CHST11: variants seen among roughly 807,000 people sequenced by gnomAD.
The protein encoded by CHST11 is carbohydrate sulfotransferase 11.
In CHST11, 9 loss-of-function variants were observed where a neutral mutation model predicts 30.4. The observed-to-expected ratio is 0.30, with a 90% confidence interval of 0.18 to 0.52. The LOEUF (loss-of-function observed/expected upper bound fraction) is 0.52, where lower values mean the gene tolerates loss of function less well. CHST11 is among the 20% of genes least tolerant of loss of function. The pLI is 0.97. For missense variants in CHST11, 348 were observed against 460.6 expected (o/e 0.76, Z 2.24); for synonymous variants, 152 against 187.8 (o/e 0.81, Z 1.56).
At chr12:104,579,615 A>G (rs1286451489) in intron 1 of CHST11, among the ~76,000 whole-genome samples, 1 of 152,204 alleles carries the variant, frequency 6.6e-6, no homozygotes, top group Non-Finnish European at 1.5e-5. Flanking sequence ...AGAATGATAC[A>G]TGGTAACGTG....
intron 2 of CHST11, among the ~76,000 whole-genome samples, chr12:104,650,394 G>T (rs1287969886): frequency 6.6e-6 from 1 of 152,130 alleles, no homozygotes. Context: ...TTTTCTACCA[G>T]GTAGAGAATT....
chr12:104,710,612 G>T (rs888311508), intron 2 of CHST11, among the ~76,000 whole-genome samples: 1 of 152,178 alleles, frequency 6.6e-6, no homozygotes, highest in Non-Finnish European at 1.5e-5. Flanking sequence ...GGAAGGTCTG[G>T]GAGGGCCAGC....
Position 104,530,839 on chromosome 12 carries a change from C to A in CHST11, c.119-71067C>A, listed in dbSNP as rs530837624. Among the ~76,000 whole-genome samples, 16 of 152,282 alleles carry A rather than the reference C, an allele frequency of 1.1e-4. No individual in the cohort carries two copies. The South Asian group carries it at 3.3e-3, about 32-fold the overall frequency. ...GGTGGAAGCCAAGTTTCTTTTGGTT[C>A]AGAAGCACTTTGAGTATATAAATGG... On this transcript the variant is annotated intron_variant, in intron 1 of 2. Coordinates refer to ENST00000303694, the MANE Select transcript of CHST11 (RefSeq NM_018413.6).
At chr12:104,612,312 T>C (rs116804821) in intron 2 of CHST11, among the ~76,000 whole-genome samples, 135 of 152,296 alleles carry the variant, frequency 8.9e-4, no homozygotes, top group African/African-American at 3.2e-3. Flanking sequence ...AAGAAGGGCC[T>C]GTTCCAGGCC....
intron 1 of CHST11, among the ~76,000 whole-genome samples, chr12:104,519,324 G>A (rs2038055400): frequency 6.6e-6 from 1 of 152,090 alleles, no homozygotes; most frequent in Non-Finnish European, 1.5e-5. Flanking sequence ...TAAATTAATA[G>A]TTTGCTAGTT....
intron 2 of CHST11, among the ~76,000 whole-genome samples, chr12:104,621,123 A>T (rs1046703964): frequency 3.9e-5 from 6 of 152,242 alleles, no homozygotes; most frequent in Non-Finnish European, 8.8e-5. Flanking sequence ...TTTCAAAAGC[A>T]GCGTTGTTGC....
intron 2 of CHST11, among the ~76,000 whole-genome samples, chr12:104,647,502 A>G (rs1158850877): frequency 1.3e-5 from 2 of 152,220 alleles, no homozygotes; most frequent in South Asian, 2.1e-4. Context: ...ACATTTAACA[A>G]TGGCCTTTTT....
rs919975769 is a variant in CHST11, at chr12:104,761,099, G to C, written c.*3296G>C. ...TGGAAAGCTCTAGATGATTCCCGCA[G>C]CTCCTCCAGACCCCGCCTCCCTGCC... On this transcript the variant is annotated 3_prime_UTR_variant, in exon 3 of 3. Transcript: ENST00000303694. The C allele has an allele frequency of 2.0e-5, 3 of 152,190 alleles. No individual in the cohort carries two copies. The highest frequency in any genetic ancestry group is 7.2e-5 in the African/African-American group (3 of 41,410). The allele number at this position is 152,190 out of a possible 1,614,324, so 9.4% of individuals were successfully genotyped here. A position where few individuals can be genotyped will look rare whatever the true frequency, so the allele number is the denominator to read the frequency against.
chr12:104,505,881 G>A (rs778859016), intron 1 of CHST11, among the ~76,000 whole-genome samples: 7 of 152,178 alleles, frequency 4.6e-5, no homozygotes, highest in Non-Finnish European at 1.0e-4. Context: ...TGAGGTGGGA[G>A]GTGATTGAAA....
chr12:104,538,911 G>A (rs1420867584), intron 1 of CHST11, among the ~76,000 whole-genome samples: 1 of 152,082 alleles, frequency 6.6e-6, no homozygotes, highest in Non-Finnish European at 1.5e-5. Flanking sequence ...TTTCAGACAC[G>A]GTGTCTGCAT....
At chr12:104,746,050 GT>G (rs1304270475) in intron 2 of CHST11, among the ~76,000 whole-genome samples, 2 of 152,138 alleles carry the variant, frequency 1.3e-5, no homozygotes, top group African/African-American at 2.4e-5. Context: ...GCTTTTGCCC[GT>G]TTAGTATGAT....
At chr12:104,595,600 G>A (rs985286010) in intron 1 of CHST11, among the ~76,000 whole-genome samples, 6 of 152,198 alleles carry the variant, frequency 3.9e-5, no homozygotes. Flanking sequence ...GAGGCCCAGG[G>A]AGACCTTGTT....
At chr12:104,626,447 A>T (rs895598384) in intron 2 of CHST11, among the ~76,000 whole-genome samples, 1 of 151,974 alleles carries the variant, frequency 6.6e-6, no homozygotes, top group Admixed American at 6.6e-5. Flanking sequence ...CATTCACCGA[A>T]CCCCTGAGAA....
chr12:104,508,960 A>G (rs1370113052), intron 1 of CHST11, among the ~76,000 whole-genome samples: 1 of 152,012 alleles, frequency 6.6e-6, no homozygotes, highest in Non-Finnish European at 1.5e-5. Flanking sequence ...TACCACCATC[A>G]TCACCACCAT....
intron 1 of CHST11, among the ~76,000 whole-genome samples, chr12:104,589,717 C>T (rs1254067297): frequency 1.3e-5 from 2 of 152,142 alleles, no homozygotes; most frequent in Admixed American, 6.5e-5. Context: ...AATGCTTTTT[C>T]GGTTTGGCCT....
chr12:104,506,728 A>G (rs913205103), intron 1 of CHST11, among the ~76,000 whole-genome samples: 1 of 152,200 alleles, frequency 6.6e-6, no homozygotes, highest in Non-Finnish European at 1.5e-5. Flanking sequence ...GGGAGGGCTA[A>G]GAGGACACAG....
At chr12:104,557,598 T>G (rs1005324203) in intron 1 of CHST11, among the ~76,000 whole-genome samples, 1 of 151,186 alleles carries the variant, frequency 6.6e-6, no homozygotes, top group African/African-American at 2.4e-5. Context: ...ATCCAGGTGG[T>G]CAGGTGGGCA....
chr12:104,507,855 T>C (rs967007020), intron 1 of CHST11, among the ~76,000 whole-genome samples: 9 of 152,180 alleles, frequency 5.9e-5, no homozygotes, highest in African/African-American at 1.9e-4. Context: ...CCATGTTTGC[T>C]GCCATCCCAT....
chr12:104,462,685 G>A (rs1311407786), intron 1 of CHST11, among the ~76,000 whole-genome samples: 1 of 152,170 alleles, frequency 6.6e-6, no homozygotes, highest in African/African-American at 2.4e-5. Flanking sequence ...TCTCAAATAT[G>A]AGACTGTTAT....
Sources: gnomAD v4.1 joint callset for allele counts (sites outside exome capture counted in the v4.1 genomes callset) on GRCh38, gnomAD v4.1.1 for gene constraint, MANE v1.5 for transcripts, NCBI Gene and HGNC (gene_info 2026-07-23, HGNC 2026-07-21) for gene names.